Variants in GRIK1 observed in about 807,000 individuals in gnomAD.
GRIK1 encodes glutamate receptor ionotropic, kainate 1.
In GRIK1, 69 loss-of-function variants were observed where a neutral mutation model predicts 105.7. The observed-to-expected ratio is 0.65, with a 90% CI of 0.54 to 0.80. The LOEUF (loss-of-function observed/expected upper bound fraction) is 0.80, where lower values mean the gene tolerates loss of function less well. Among genes scored for constraint, GRIK1 ranks in the 30% least tolerant of loss-of-function variants. The probability of loss-of-function intolerance (pLI) is 0.00; values close to 1 mark genes in which losing one functional copy is unlikely to be tolerated. For missense variants in GRIK1, 1,109 were observed against 1,167.3 expected (o/e 0.95, Z 0.73); for synonymous variants, 438 against 431.3 (o/e 1.02, Z -0.19).
chr21:29,901,551 T>C (rs2070408837), intron 1 of GRIK1, among the ~76,000 whole-genome samples: 1 of 151,296 alleles, frequency 6.6e-6, no homozygotes, highest in South Asian at 2.1e-4. Flanking sequence ...CTAGAAGAAG[T>C]GGATAAATTC....
At chr21:29,861,048 CG>C (rs1270357040) in intron 1 of GRIK1, among the ~76,000 whole-genome samples, 1 of 150,952 alleles carries the variant, frequency 6.6e-6, no homozygotes, top group Non-Finnish European at 1.5e-5. Flanking sequence ...TTTTAAATTA[CG>C]TATGTGACTC....
At chr21:29,888,829 A>C (rs902297380) in intron 1 of GRIK1, among the ~76,000 whole-genome samples, 1 of 152,184 alleles carries the variant, frequency 6.6e-6, no homozygotes, top group Non-Finnish European at 1.5e-5. Flanking sequence ...GGCGTTTTAG[A>C]TTAGAGGAGT....
chr21:29,785,665 T>C (rs984113769), intron 1 of GRIK1, among the ~76,000 whole-genome samples: 5 of 152,056 alleles, frequency 3.3e-5, no homozygotes, highest in Non-Finnish European at 7.4e-5. Context: ...AAAGTGCGTG[T>C]TCCTTATGTG....
chr21:29,709,973 T>C (rs2064005679), intron 1 of GRIK1, among the ~76,000 whole-genome samples: 1 of 151,968 alleles, frequency 6.6e-6, no homozygotes, highest in Non-Finnish European at 1.5e-5. Flanking sequence ...TTGTTCTTAA[T>C]TTAAATAGAA....
chr21:29,702,642 C>T (rs1250321408), intron 1 of GRIK1, among the ~76,000 whole-genome samples: 2 of 152,052 alleles, frequency 1.3e-5, no homozygotes, highest in Admixed American at 6.6e-5. Flanking sequence ...ACTTGAGAGG[C>T]GGAGGTTGCA....
intron 1 of GRIK1, among the ~76,000 whole-genome samples, chr21:29,884,092 T>C (rs1260396836): frequency 6.6e-6 from 1 of 152,018 alleles, no homozygotes; most frequent in Non-Finnish European, 1.5e-5. Context: ...TTGTCTACTG[T>C]TAAATAATTT....
intron 1 of GRIK1, among the ~76,000 whole-genome samples, chr21:29,755,774 G>A (rs2065321680): frequency 1.3e-5 from 2 of 152,318 alleles, no homozygotes; most frequent in East Asian, 1.9e-4. Flanking sequence ...TAGATAAAAT[G>A]TCAGTGTAGG....
At position 29,576,427 on chromosome 21, in the gene GRIK1, G is replaced by T. The variant is rs555133785; in HGVS notation, c.2130+537C>A. On this transcript the variant is annotated intron_variant, in intron 14 of 17. Coordinates refer to ENST00000327783, the MANE Select transcript of GRIK1 (RefSeq NM_001330994.2). ...GCTGGGAACACTGTCCTTCATCAATGCGGACTCAGTATTAGACCAGAGTCT... is the reference window on the plus strand; with the variant it reads ...GCTGGGAACACTGTCCTTCATCAATTCGGACTCAGTATTAGACCAGAGTCT... Among the ~76,000 whole-genome samples, 7 of 152,290 alleles carry T rather than the reference G, an allele frequency of 4.6e-5. No homozygotes were observed. The South Asian group carries it at 1.5e-3, about 32-fold the overall frequency.
At chr21:29,750,309 A>G (rs769075653) in intron 1 of GRIK1, among the ~76,000 whole-genome samples, 25 of 124,760 alleles carry the variant, frequency 2.0e-4, no homozygotes, top group Non-Finnish European at 2.5e-4. Context: ...TTCTTTCTGA[A>G]TATGTACCTA....
chr21:29,605,634 A>G (rs2146347294), intron 7 of GRIK1, among the ~76,000 whole-genome samples: 1 of 152,280 alleles, frequency 6.6e-6, no homozygotes, highest in East Asian at 1.9e-4. Context: ...TCTTTGAGGA[A>G]TTGCCATAGT....
chr21:29,782,716 T>C (rs1289684249), intron 1 of GRIK1, among the ~76,000 whole-genome samples: 1 of 152,256 alleles, frequency 6.6e-6, no homozygotes, highest in African/African-American at 2.4e-5. Flanking sequence ...AACTAGTTTT[T>C]CCTAACGATG....
chr21:29,905,942 T>TG (rs370755318), intron 1 of GRIK1, among the ~76,000 whole-genome samples: 117 of 136,046 alleles, frequency 8.6e-4, no homozygotes, highest in South Asian at 1.7e-3. Flanking sequence ...ACTTGTTTTT[T>TG]TTGTTTGTTT....
chr21:29,750,169 T>C (rs886833791), intron 1 of GRIK1, among the ~76,000 whole-genome samples: 15 of 152,054 alleles, frequency 9.9e-5, no homozygotes, highest in Non-Finnish European at 2.1e-4. Flanking sequence ...TGTACAATCA[T>C]ACCTAAACTA....
intron 1 of GRIK1, among the ~76,000 whole-genome samples, chr21:29,938,247 G>C (rs1446726042): frequency 6.6e-6 from 1 of 152,204 alleles, no homozygotes; most frequent in Non-Finnish European, 1.5e-5. Flanking sequence ...TCCTGGAAAG[G>C]GGGAGTTAGA....
intron 1 of GRIK1, among the ~76,000 whole-genome samples, chr21:29,696,002 A>G (rs922334630): frequency 6.6e-5 from 10 of 152,352 alleles, no homozygotes; most frequent in Admixed American, 6.5e-4. Context: ...ACTCCAATGG[A>G]CAGACTGTAA....
chr21:29,744,997 C>T (rs961276641), intron 1 of GRIK1, among the ~76,000 whole-genome samples: 1 of 152,108 alleles, frequency 6.6e-6, no homozygotes, highest in African/African-American at 2.4e-5. Context: ...TTGTGTAGTC[C>T]CCTTCCCTTG....
At chr21:29,755,735 T>A (rs1273982879) in intron 1 of GRIK1, among the ~76,000 whole-genome samples, 1 of 152,062 alleles carries the variant, frequency 6.6e-6, no homozygotes, top group African/African-American at 2.4e-5. Flanking sequence ...AGGAAGAGCT[T>A]AGGGCAAGGA....
chr21:29,803,824 C>T (rs1278567009), intron 1 of GRIK1, among the ~76,000 whole-genome samples: 1 of 152,054 alleles, frequency 6.6e-6, no homozygotes, highest in African/African-American at 2.4e-5. Flanking sequence ...AAGCAATAGA[C>T]CCCATTCCTA....
intron 7 of GRIK1, among the ~76,000 whole-genome samples, chr21:29,637,759 A>G (rs1477312700): frequency 6.6e-6 from 1 of 152,190 alleles, no homozygotes; most frequent in African/African-American, 2.4e-5. Context: ...GGTTTATGGT[A>G]TTTTGTCACA....
Sources: gnomAD v4.1 joint callset for allele counts (sites outside exome capture counted in the v4.1 genomes callset) on GRCh38, gnomAD v4.1.1 for gene constraint, MANE v1.5 for transcripts, NCBI Gene and HGNC (gene_info 2026-07-23, HGNC 2026-07-21) for gene names.